C16orf89: variants seen among roughly 807,000 people sequenced by gnomAD.
C16orf89 encodes the protein UPF0764 protein C16orf89.
C16orf89 carries 57 observed loss-of-function variants against 41.5 expected under a neutral mutation model. The observed-to-expected ratio is 1.38, with a 90% confidence interval of 1.11 to 1.71. The LOEUF (loss-of-function observed/expected upper bound fraction) is 1.71, where lower values mean the gene tolerates loss of function less well. C16orf89 is among the 40% of genes most tolerant of loss of function. The probability of loss-of-function intolerance (pLI) is 0.00; values close to 1 mark genes in which losing one functional copy is unlikely to be tolerated. For synonymous variants in C16orf89, 223 were observed against 190.6 expected, an observed-to-expected ratio of 1.17 and a Z score of -1.40; for missense variants, 575 against 445.9, an observed-to-expected ratio of 1.29 and a Z score of -2.61.
intron 2 of C16orf89, among the ~76,000 whole-genome samples, chr16:5,061,921 G>C (rs72773733): frequency 6.6e-6 from 1 of 152,268 alleles, no homozygotes; most frequent in Non-Finnish European, 1.5e-5. Context: ...CTCGGGGCTG[G>C]TGAGGAGAGA....
chr16:5,056,232 A>T (rs1956501723), intron 4 of C16orf89, 44 bp from the exon 5 acceptor site: 1 of 1,544,192 alleles, frequency 6.5e-7, no homozygotes, highest in South Asian at 1.2e-5. Context: ...AGTGGTACAG[A>T]TGACAGACAC....
chr16:5,050,461 A>G (rs2142616461), intron 6 of C16orf89, among the ~76,000 whole-genome samples: 1 of 152,312 alleles, frequency 6.6e-6, no homozygotes, highest in African/African-American at 2.4e-5. Context: ...AAACCTGAAC[A>G]GACCAATTAT....
At chr16:5,044,613 G>A (rs966711510) in intron 7 of C16orf89, 135 bp from the exon 8 acceptor site, 2 of 1,481,380 alleles carry the variant, frequency 1.4e-6, no homozygotes, top group Admixed American at 4.0e-5. Flanking sequence ...AGCCTGAGGT[G>A]GGCGGATCTC....
At chr16:5,055,938 CGTGTGTGTGTGT>C (rs531301214) in intron 5 of C16orf89, 103 bp downstream of exon 5, 40,462 of 904,082 alleles carry the variant, frequency 0.045, 640 homozygotes, top group African/African-American at 0.077. Flanking sequence ...CTGGCAACTC[CGTGTGTGTGTGT>C]GTGTGTGTGT....
In C16orf89 at chr16:5,044,271, G is replaced by A. The variant is rs757006858; in HGVS notation, c.*77C>T. 34 of 1,484,664 alleles carry A rather than the reference G, an allele frequency of 2.3e-5. No individual in the cohort carries two copies. Among genetic ancestry groups the A allele is most frequent in the Non-Finnish European group, 2.8e-5 (31 of 1,120,342 alleles). The allele number at this position is 1,484,664 out of a possible 1,614,324, so 92.0% of individuals were successfully genotyped here. ...ATGCCTTCTTCCCAGGATGTGATCC[G>A]TGCCCTCCAGGATCTAAGGGATGAG... On this transcript the variant is annotated 3_prime_UTR_variant, in exon 8 of 8. Transcript: ENST00000472572.
rs56836477 is a variant in C16orf89, at chr16:5,046,152, G to T, written c.956-1674C>A. 3.4e-3 allele frequency among the ~76,000 whole-genome samples: 522 copies of T among 152,132 alleles called. 9 individuals carry two copies. The highest frequency in any genetic ancestry group is 0.012 in the African/African-American group (508 of 41,512). On this transcript the variant is annotated intron_variant, in intron 7 of 7. Transcript: ENST00000472572. ...GACTTTTGGTGGCAGCTACGAAACT[G>T]ACTCACTGGATTTCTGCTTTCACTC...
rs750919950 is a variant in C16orf89, at chr16:5,060,360, G to A, written c.435C>T (p.Tyr145=). ...AWIHTDASLV[Y]PTFGPQDSFS... The stretch of plus-strand genomic sequence containing the variant: ...ATGAGTCCTGGGGCCCGAACGTGGG[G>A]TACACCAAGGAGGCATCAGTGTGGA... The change falls in exon 3 of 8, where the codon TAC becomes TAT. Residue 145 remains tyrosine, a synonymous_variant. Coordinates refer to ENST00000472572, the MANE Select transcript of C16orf89 (RefSeq NM_001098514.3). The A allele has an allele frequency of 8.1e-6, 13 of 1,613,498 alleles. No individual in the cohort carries two copies. Among genetic ancestry groups the A allele is most frequent in the East Asian group, 2.2e-5 (1 of 44,646 alleles).
At chr16:5,053,321 G>A (rs1199728846) in intron 6 of C16orf89, among the ~76,000 whole-genome samples, 1 of 151,944 alleles carries the variant, frequency 6.6e-6, no homozygotes, top group African/African-American at 2.4e-5. Context: ...ATTGAGCCAA[G>A]ATAGTGCCAC....
At chr16:5,048,751 T>C (rs745493290) in intron 6 of C16orf89, among the ~76,000 whole-genome samples, 2 of 151,260 alleles carry the variant, frequency 1.3e-5, no homozygotes, top group East Asian at 3.9e-4. Context: ...AAACTATCAC[T>C]AGAGAAAAGC....
chr16:5,064,606 G>A (rs1956697351), intron 1 of C16orf89, among the ~76,000 whole-genome samples: 1 of 152,220 alleles, frequency 6.6e-6, no homozygotes, highest in Non-Finnish European at 1.5e-5. Context: ...CTGAAGCTCT[G>A]TTCTAGGCAC....
intron 1 of C16orf89, among the ~76,000 whole-genome samples, chr16:5,063,468 A>G (rs552575230): frequency 6.6e-6 from 1 of 152,322 alleles, no homozygotes; most frequent in South Asian, 2.1e-4. Flanking sequence ...CCAGTCCATT[A>G]CTGGTCTATG....
intron 7 of C16orf89, 111 bp from the exon 8 acceptor site, chr16:5,044,589 TC>T: frequency 6.5e-7 from 1 of 1,533,060 alleles, no homozygotes; most frequent in Admixed American, 2.0e-5. Context: ...ACACCTATAA[TC>T]CCACACTTTG....
At chr16:5,052,324 C>T (rs1429337272) in intron 6 of C16orf89, among the ~76,000 whole-genome samples, 1 of 152,158 alleles carries the variant, frequency 6.6e-6, no homozygotes, top group Non-Finnish European at 1.5e-5. Flanking sequence ...CGCAGTGGCT[C>T]ACGCCTCTAA....
chr16:5,053,060 G>A (rs1035320721), intron 6 of C16orf89, among the ~76,000 whole-genome samples: 2 of 152,180 alleles, frequency 1.3e-5, no homozygotes, highest in Non-Finnish European at 2.9e-5. Context: ...CCTCGTATGT[G>A]GAAGCTAAAA....
chr16:5,060,975 G>T (rs1373237599), intron 2 of C16orf89, among the ~76,000 whole-genome samples: 3 of 136,204 alleles, frequency 2.2e-5, no homozygotes, highest in Admixed American at 1.6e-4. Context: ...TTTTTAAGAG[G>T]CAGGGCCAAG....
chr16:5,044,575 G>C, intron 7 of C16orf89, 97 bp from the exon 8 acceptor site: 1 of 1,548,374 alleles, frequency 6.5e-7, no homozygotes, highest in African/African-American at 1.4e-5. Flanking sequence ...AGACGCGGTG[G>C]CTCACACCTA....
At chr16:5,055,195 AC>A (rs1317618260) in intron 6 of C16orf89, 50 bp downstream of exon 6, 12 of 1,366,330 alleles carry the variant, frequency 8.8e-6, no homozygotes, top group Admixed American at 1.9e-5. Flanking sequence ...ACTCAGAGCC[AC>A]CCCCACCCCC....
intron 6 of C16orf89, among the ~76,000 whole-genome samples, chr16:5,052,703 A>C (rs1394875531): frequency 6.6e-6 from 1 of 152,228 alleles, no homozygotes; most frequent in East Asian, 1.9e-4. Context: ...TACAGACATT[A>C]TGGAAAGCAG....
At chr16:5,052,965 C>T (rs1021829056) in intron 6 of C16orf89, among the ~76,000 whole-genome samples, 5 of 152,210 alleles carry the variant, frequency 3.3e-5, no homozygotes, top group African/African-American at 1.2e-4. Flanking sequence ...CAAATTCTTT[C>T]ATTCATAGCA....
Sources: gnomAD v4.1 joint callset for allele counts (sites outside exome capture counted in the v4.1 genomes callset) on GRCh38, gnomAD v4.1.1 for gene constraint, MANE v1.5 for transcripts, NCBI Gene and HGNC (gene_info 2026-07-23, HGNC 2026-07-21) for gene names.